The following EEPD1 variants were observed in gnomAD, a reference collection of about 807,000 sequenced individuals.
EEPD1 encodes the protein endonuclease/exonuclease/phosphatase family domain containing 1.
Under a neutral mutation model 46.3 loss-of-function variants are expected in EEPD1, and 17 were observed. The ratio of observed to expected loss-of-function variants is 0.37; its 90% CI spans 0.25 to 0.55. The LOEUF (loss-of-function observed/expected upper bound fraction) is 0.55, where lower values mean the gene tolerates loss of function less well. Among genes scored for constraint, EEPD1 ranks in the 20% least tolerant of loss-of-function variants. EEPD1 has a pLI of 0.83. For missense variants in EEPD1, 673 were observed against 745.6 expected (o/e 0.90, Z 1.13); for synonymous variants, 313 against 315.6 (o/e 0.99, Z 0.09).
At chr7:36,196,858 TCTGC>T (rs1387333712) in intron 2 of EEPD1, among the ~76,000 whole-genome samples, 4 of 151,792 alleles carry the variant, frequency 2.6e-5, no homozygotes, top group African/African-American at 9.7e-5. Context: ...GAGGAGCGTC[TCTGC>T]CTGGCCGCCC....
chr7:36,220,445 G>C (rs1242485496), intron 2 of EEPD1, among the ~76,000 whole-genome samples: 1 of 152,146 alleles, frequency 6.6e-6, no homozygotes, highest in South Asian at 2.1e-4. Context: ...TCATAACCAC[G>C]TGGATTAAGA....
At chr7:36,196,192 T>C (rs1785579582) in intron 2 of EEPD1, among the ~76,000 whole-genome samples, 1 of 152,180 alleles carries the variant, frequency 6.6e-6, no homozygotes, top group Non-Finnish European at 1.5e-5. Flanking sequence ...GGATTGGAGT[T>C]GCTCTGGGTG....
chr7:36,289,115 A>G (rs1787386291), intron 6 of EEPD1, among the ~76,000 whole-genome samples: 3 of 152,178 alleles, frequency 2.0e-5, no homozygotes, highest in South Asian at 4.1e-4. Context: ...GTATGTATAT[A>G]TGTATATATG....
intron 2 of EEPD1, among the ~76,000 whole-genome samples, chr7:36,204,749 C>T (rs944218861): frequency 3.9e-5 from 6 of 152,176 alleles, no homozygotes; most frequent in Non-Finnish European, 1.5e-5. Context: ...CTCTATATTC[C>T]GGAAGGCCTC....
At chr7:36,246,169 G>A (rs1319759240) in intron 3 of EEPD1, among the ~76,000 whole-genome samples, 1 of 152,202 alleles carries the variant, frequency 6.6e-6, no homozygotes, top group African/African-American at 2.4e-5. Context: ...GAAGCTGCCT[G>A]TGTGAGCTGG....
chr7:36,232,701 G>A (rs968151539), intron 2 of EEPD1, among the ~76,000 whole-genome samples: 1 of 150,902 alleles, frequency 6.6e-6, no homozygotes, highest in African/African-American at 2.4e-5. Flanking sequence ...TAAGTTCAGT[G>A]GGGGAGAGTT....
At position 36,300,233 on chromosome 7, in the gene EEPD1, G is replaced by T. The variant is rs1787598851; in HGVS notation, c.*1027G>T. The T allele has an allele frequency of 6.6e-6, 1 of 152,320 alleles. No homozygotes were observed. Among genetic ancestry groups the T allele is most frequent in the South Asian group, 2.1e-4 (1 of 4,834 alleles). The allele number at this position is 152,320 out of a possible 1,614,324, so 9.4% of individuals were successfully genotyped here. On this transcript the variant is annotated 3_prime_UTR_variant, in exon 8 of 8. Coordinates refer to ENST00000242108, the MANE Select transcript of EEPD1 (RefSeq NM_030636.3). ...TGGCTGGAGGTAGGGACAGTTGGTT[G>T]TGGGGCTGGAGAGAGGTTGTGGGGA...
intron 6 of EEPD1, among the ~76,000 whole-genome samples, chr7:36,291,782 G>T (rs867421822): frequency 3.3e-5 from 5 of 152,206 alleles, no homozygotes; most frequent in South Asian, 2.1e-4. Context: ...CTTCGTTTAT[G>T]AACTGCTTTC....
Position 36,163,883 on chromosome 7 carries a change from G to GAA in EEPD1, c.878+8698_878+8699dup, listed in dbSNP as rs11411037. On this transcript the variant is annotated intron_variant, in intron 2 of 7. Coordinates refer to ENST00000242108, the MANE Select transcript of EEPD1 (RefSeq NM_030636.3). ...ACAGAGCAAGACTCCATCTCAGGAA[G>GAA]AAAAAAAAAAAAAAAAAAGCTATTC... 2.6e-3 allele frequency among the ~76,000 whole-genome samples: 293 copies of GAA among 111,054 alleles called. 2 individuals are homozygous for GAA. The highest frequency in any genetic ancestry group is 3.0e-3 in the Non-Finnish European group (160 of 53,912). The allele number at this position is 111,054 out of a possible 152,430, so 72.9% of individuals were successfully genotyped here. A position where few individuals can be genotyped will look rare whatever the true frequency, so the allele number is the denominator to read the frequency against.
intron 2 of EEPD1, chr7:36,229,384 G>T (rs1786280453): frequency 6.6e-6 from 1 of 152,192 alleles, no homozygotes; most frequent in Admixed American, 6.5e-5. Context: ...GGGAGGGAGG[G>T]AAGGCATGGA....
At chr7:36,166,478 T>G (rs934703959) in intron 2 of EEPD1, among the ~76,000 whole-genome samples, 2 of 152,154 alleles carry the variant, frequency 1.3e-5, no homozygotes, top group Admixed American at 1.3e-4. Flanking sequence ...CCCAGCACTT[T>G]GGGAGGTCTA....
chr7:36,294,903 C>T (rs1354807606), intron 6 of EEPD1, among the ~76,000 whole-genome samples: 1 of 152,102 alleles, frequency 6.6e-6, no homozygotes, highest in Non-Finnish European at 1.5e-5. Flanking sequence ...GTAGGTCAGG[C>T]ACGGTGGCTC....
chr7:36,187,612 G>A (rs1215857343), intron 2 of EEPD1, among the ~76,000 whole-genome samples: 2 of 152,050 alleles, frequency 1.3e-5, no homozygotes, highest in East Asian at 3.8e-4. Flanking sequence ...ATATTTCATT[G>A]TATGTATACC....
At chr7:36,293,546 T>G (rs1030484395) in intron 6 of EEPD1, among the ~76,000 whole-genome samples, 1 of 152,198 alleles carries the variant, frequency 6.6e-6, no homozygotes, top group African/African-American at 2.4e-5. Context: ...CCAAGGGCTT[T>G]TTGTAGAGCT....
rs182171431 is a variant in EEPD1, at chr7:36,234,021, G to A, written c.879-4964G>A. 5.9e-4 allele frequency among the ~76,000 whole-genome samples: 90 copies of A among 152,252 alleles called. 1 individual carries two copies. In the East Asian group the frequency reaches 0.012, roughly 20 times the overall value. On this transcript the variant is annotated intron_variant, in intron 2 of 7. Coordinates refer to ENST00000242108, the MANE Select transcript of EEPD1 (RefSeq NM_030636.3). The stretch of plus-strand genomic sequence containing the variant: ...CAACCTCTGCTTTCCAGGCTTAAGC[G>A]ATTCTCCCACCTCAGCCTCCTGAGT...
chr7:36,259,098 G>A (rs2115826202), intron 3 of EEPD1, among the ~76,000 whole-genome samples: 2 of 152,226 alleles, frequency 1.3e-5, no homozygotes, highest in Admixed American at 1.3e-4. Context: ...CTACGGGAGG[G>A]AGTTCCCGGA....
chr7:36,287,462 G>A, intron 5 of EEPD1, 177 bp from the exon 6 acceptor site: 2 of 912,234 alleles, frequency 2.2e-6, no homozygotes, highest in Non-Finnish European at 3.2e-6. Flanking sequence ...TCCTGCAGGT[G>A]CCTTGGAAAA....
chr7:36,237,070 C>T (rs927303429), intron 2 of EEPD1, among the ~76,000 whole-genome samples: 1 of 152,182 alleles, frequency 6.6e-6, no homozygotes, highest in Non-Finnish European at 1.5e-5. Flanking sequence ...GTCAGGGAGA[C>T]CACCAACCCA....
chr7:36,154,679 C>T lies in EEPD1; in HGVS notation c.355C>T (p.Leu119=). ...HSPSSLRRDL[L]AEQQPHHLAT... Reference sequence around the variant, plus strand: ...TCCCAGTTCCCTGCGGCGGGACCTGCTAGCGGAGCAGCAGCCTCACCACCT... The same window carrying T: ...TCCCAGTTCCCTGCGGCGGGACCTGTTAGCGGAGCAGCAGCCTCACCACCT... Residue 119 remains leucine (L), a synonymous_variant, in exon 2 of 8, where the codon CTA becomes TTA. Coordinates refer to ENST00000242108, the MANE Select transcript of EEPD1 (RefSeq NM_030636.3). This position sits in a 1 kb window ranked among gnomAD's most constrained non-coding sequence, Gnocchi z 4.2. The T allele has an allele frequency of 6.2e-7, 1 of 1,613,488 alleles. No homozygotes were observed.
Sources: gnomAD v4.1 joint callset for allele counts (sites outside exome capture counted in the v4.1 genomes callset) on GRCh38, gnomAD v4.1.1 for gene constraint, Gnocchi (gnomAD v3.1) non-coding constraint, MANE v1.5 for transcripts, NCBI Gene and HGNC (gene_info 2026-07-23, HGNC 2026-07-21) for gene names.